ZNF750: variants seen among roughly 807,000 people sequenced by gnomAD.
ZNF750 encodes the protein protein ZNF750.
Under a neutral mutation model 31.6 loss-of-function variants are expected in ZNF750, and 10 were observed. The observed-to-expected ratio is 0.32, with a 90% CI of 0.19 to 0.54. The LOEUF is 0.54. Among genes scored for constraint, ZNF750 ranks in the 20% least tolerant of loss-of-function variants. The pLI is 0.95. For synonymous variants in ZNF750, 400 were observed against 404.9 expected, an observed-to-expected ratio of 0.99 and a Z score of 0.15; for missense variants, 914 against 934.9, an observed-to-expected ratio of 0.98 and a Z score of 0.29.
rs2053896865 is a variant in ZNF750, at chr17:82,835,563, C to A, written c.-182-2927G>T. 6.6e-6 allele frequency among the ~76,000 whole-genome samples: 1 copy of A among 152,090 alleles called. No homozygotes were observed. Among genetic ancestry groups the A allele is most frequent in the African/African-American group, 2.4e-5 (1 of 41,416 alleles). ...TCAGCCTCCCTAGTAGCTGGGATTA[C>A]AGGTGCCTACCACCACGCCCAGCTA... On this transcript the variant is annotated intron_variant, in intron 1 of 2. Coordinates refer to ENST00000269394, the MANE Select transcript of ZNF750 (RefSeq NM_024702.3). The surrounding 1 kb of genome is among the most constrained non-coding windows in gnomAD (Gnocchi z 4.5).
intron 1 of ZNF750, among the ~76,000 whole-genome samples, chr17:82,837,015 C>G (rs1399139812): frequency 6.6e-6 from 1 of 152,140 alleles, no homozygotes; most frequent in Non-Finnish European, 1.5e-5. Flanking sequence ...TTTTAGTAAC[C>G]TTGGATAAAC....
In ZNF750 at chr17:82,831,210, C is replaced by A. The variant is rs148917942; in HGVS notation, c.1245G>T (p.Pro415=). 5.0e-6 allele frequency: 8 copies of A among 1,614,072 alleles called. No homozygotes were observed. The highest frequency in any genetic ancestry group is 6.8e-6 in the Non-Finnish European group (8 of 1,180,038). ...GSAATGSPGR[P]SPTDFMQTSQ... ...TCGTCTGCATGAAGTCGGTGGGGCT[C>A]GGCCTCCCTGGGGAGCCCGTGGCTG... Residue 415 remains proline (P), a synonymous_variant, in exon 2 of 3, where the codon CCG becomes CCT. Coordinates refer to ENST00000269394, the MANE Select transcript of ZNF750 (RefSeq NM_024702.3). This position sits in a 1 kb window ranked among gnomAD's most constrained non-coding sequence, Gnocchi z 4.6.
At position 82,835,045 on chromosome 17, in the gene ZNF750, A is replaced by G. The variant is rs951670687; in HGVS notation, c.-182-2409T>C. Among the ~76,000 whole-genome samples the G allele has an allele frequency of 1.3e-5, 2 of 152,146 alleles. No homozygotes were observed. The highest frequency in any genetic ancestry group is 2.9e-5 in the Non-Finnish European group (2 of 68,032). On this transcript the variant is annotated intron_variant, in intron 1 of 2. Coordinates refer to ENST00000269394, the MANE Select transcript of ZNF750 (RefSeq NM_024702.3). This position sits in a 1 kb window ranked among gnomAD's most constrained non-coding sequence, Gnocchi z 4.5. Reference sequence around the variant, plus strand: ...ACCACCGCACTGCAGCCTGGTGGGCAACAGAATGAGACCCTGCCTCAAAAA... The same window carrying G: ...ACCACCGCACTGCAGCCTGGTGGGCGACAGAATGAGACCCTGCCTCAAAAA...
rs745606571 is a variant in ZNF750, at chr17:82,831,075, TTTC to T, written c.1377_1379del (p.Lys460del). The T allele has an allele frequency of 5.7e-5, 92 of 1,614,170 alleles. No homozygotes were observed. In the African/African-American group the frequency reaches 1.1e-3, roughly 20 times the overall value. ...CCTGGGCAGGTAGGCATTCTGTGCT[TTTC>T]TTAACAGGCCTGAAGGCTGTGAGGC... On this transcript the variant is annotated inframe_deletion, in exon 2 of 3. Transcript: ENST00000269394. This position sits in a 1 kb window ranked among gnomAD's most constrained non-coding sequence, Gnocchi z 4.6.
chr17:82,829,790 C>G lies in ZNF750; in HGVS notation c.*352G>C, dbSNP rs2053310593. On this transcript the variant is annotated 3_prime_UTR_variant, in exon 3 of 3. Transcript: ENST00000269394. ...ATTGTCATTTACATCAAATATGCAG[C>G]TAGAGCTAATAGAAAAACAGTTAAA... The G allele has an allele frequency of 7.8e-6, 2 of 256,822 alleles. No homozygotes were observed. The highest frequency in any genetic ancestry group is 1.7e-4 in the East Asian group (2 of 11,786). 15.9% of individuals were successfully genotyped at this position (256,822 alleles called of 1,614,324 possible). A position where few individuals can be genotyped will look rare whatever the true frequency, so the allele number is the denominator to read the frequency against.
rs1303194945 is a variant in ZNF750 at position 82,830,637 on chromosome 17, A to G, written c.1677T>C (p.Cys559=). 2 of 1,613,910 alleles carry G rather than the reference A, an allele frequency of 1.2e-6. No homozygotes were observed. Among genetic ancestry groups the G allele is most frequent in the South Asian group, 2.2e-5 (2 of 91,066 alleles). ...AGGCAGGCCTCGGAGCCTGGGTGTT[A>G]CAGGGGTCCTTCACCGAGAGATTGA... ...LPLNLSVKDP[C]NTQAPRPAFP... is the part of the protein sequence containing the mutation. The change falls in exon 3 of 3, where the codon TGT becomes TGC. Residue 559 remains cysteine (C), a synonymous_variant. Coordinates refer to ENST00000269394, the MANE Select transcript of ZNF750 (RefSeq NM_024702.3).
intron 1 of ZNF750, among the ~76,000 whole-genome samples, chr17:82,836,415 C>G (rs1411344912): frequency 1.3e-5 from 2 of 152,244 alleles, no homozygotes; most frequent in Non-Finnish European, 2.9e-5. Context: ...ATGACAGTTG[C>G]AAAATGTTCA....
At chr17:82,834,549 C>T (rs1316433) in intron 1 of ZNF750, among the ~76,000 whole-genome samples, 142,515 of 152,202 alleles carry the variant, frequency 0.94, 67,451 homozygotes, top group East Asian at 1. Flanking sequence ...AAAAGGAACG[C>T]GATCATGTCC....
Position 82,831,034 on chromosome 17 carries a change from G to T in ZNF750, c.1421C>A (p.Ala474Glu). The T allele has an allele frequency of 6.2e-7, 1 of 1,614,164 alleles. No individual in the cohort carries two copies. Among genetic ancestry groups the T allele is most frequent in the African/African-American group, 1.3e-5 (1 of 75,052 alleles). Residue 474 changes from alanine (A) to glutamate (E), a missense_variant, in exon 2 of 3, where the codon GCA becomes GAA. Around this residue, in one of 2 missense-constraint regions of ZNF750, gnomAD observed 880 missense variants for 868.9 expected, o/e 1.01. Transcript: ENST00000269394. The surrounding 1 kb of genome is among the most constrained non-coding windows in gnomAD (Gnocchi z 4.6). ...ATTTTCTTACCTTACTGGAGACTCTGCTGTGGTCTCAGCAGCCTGGGCAGG... is the reference window on the plus strand; with the variant it reads ...ATTTTCTTACCTTACTGGAGACTCTTCTGTGGTCTCAGCAGCCTGGGCAGG... ...CLPAQAAETTAESPVSLNVVN... is the reference protein window; with the variant it reads ...CLPAQAAETTEESPVSLNVVN...
At chr17:82,839,564 A>G (rs2054290475) in intron 1 of ZNF750, among the ~76,000 whole-genome samples, 1 of 151,784 alleles carries the variant, frequency 6.6e-6, no homozygotes, top group Non-Finnish European at 1.5e-5. Flanking sequence ...TACACCACAC[A>G]TATATATATG....
chr17:82,838,765 G>A (rs1341052377), intron 1 of ZNF750: 1 of 985,306 alleles, frequency 1.0e-6, no homozygotes, highest in Non-Finnish European at 1.2e-6. Flanking sequence ...TTGGAAGAAT[G>A]GATCCAGAAA....
rs745594008 is a variant in ZNF750 at position 82,832,274 on chromosome 17, G to C, written c.181C>G (p.Arg61Gly). ...NSITLVSEQD[R>G]VPKCPKSNSL... Reference sequence around the variant, plus strand: ...TTAGATTTAGGGCACTTGGGAACTCGATCCTGCTCTGATACTAAAGTAATC... The same window carrying C: ...TTAGATTTAGGGCACTTGGGAACTCCATCCTGCTCTGATACTAAAGTAATC... The change falls in exon 2 of 3, where the codon CGA (arginine) becomes GGA (glycine). Residue 61 changes from arginine to glycine, a missense_variant. Transcript: ENST00000269394. The surrounding 1 kb of genome is among the most constrained non-coding windows in gnomAD (Gnocchi z 4.9). 3 of 1,614,120 alleles carry C rather than the reference G, an allele frequency of 1.9e-6. No individual in the cohort carries two copies. The highest frequency in any genetic ancestry group is 3.3e-5 in the Admixed American group (2 of 60,008).
Position 82,830,518 on chromosome 17 carries a change from G to C in ZNF750, c.1796C>G (p.Thr599Ser). The C allele has an allele frequency of 6.2e-7, 1 of 1,613,922 alleles. No individual in the cohort carries two copies. The highest frequency in any genetic ancestry group is 8.5e-7 in the Non-Finnish European group (1 of 1,179,906). The change falls in exon 3 of 3, where the codon ACC (threonine) becomes AGC (serine). Residue 599 changes from threonine (T) to serine (S), a missense_variant. This residue lies in a region of ZNF750 where 880 missense variants were observed against 868.9 expected (regional missense o/e 1.01). Transcript: ENST00000269394. ...GTCACCGTCGAGGCTGCCTGGCTTGGTCTCAGGGTGGCTGGGCCCATCCTC... is the reference window on the plus strand; with the variant it reads ...GTCACCGTCGAGGCTGCCTGGCTTGCTCTCAGGGTGGCTGGGCCCATCCTC... ...GSEDGPSHPETKPGSLDGDGA... is the reference protein window; with the variant it reads ...GSEDGPSHPESKPGSLDGDGA...
Position 82,831,783 on chromosome 17 carries a change from A to G in ZNF750, c.672T>C (p.Ser224=). 2 of 1,614,162 alleles carry G rather than the reference A, an allele frequency of 1.2e-6. No individual in the cohort carries two copies. Among genetic ancestry groups the G allele is most frequent in the South Asian group, 1.1e-5 (1 of 91,088 alleles). The change falls in exon 2 of 3, where the codon TCT becomes TCC. Residue 224 remains serine, a synonymous_variant. Coordinates refer to ENST00000269394, the MANE Select transcript of ZNF750 (RefSeq NM_024702.3). This position sits in a 1 kb window ranked among gnomAD's most constrained non-coding sequence, Gnocchi z 4.6. The part of the protein sequence containing the change: ...LPPEFPHKIS[S]TKGLGAISPY... ...GGGAAATGGCCCCAAGCCCCTTTGT[A>G]GATGAGATTTTATGTGGAAACTCTG... is the stretch of plus-strand genomic sequence containing the variant.
chr17:82,831,491 A>T lies in ZNF750; in HGVS notation c.964T>A (p.Tyr322Asn). 6.2e-7 allele frequency: 1 copy of T among 1,614,212 alleles called. No homozygotes were observed. The highest frequency in any genetic ancestry group is 8.5e-7 in the Non-Finnish European group (1 of 1,180,038). Residue 322 changes from tyrosine (Y) to asparagine (N), a missense_variant, in exon 2 of 3, where the codon TAC becomes AAC. Tyr to Asn is a moderately radical substitution (Grantham distance 143). Transcript: ENST00000269394. This position sits in a 1 kb window ranked among gnomAD's most constrained non-coding sequence, Gnocchi z 4.6. ...GAGGAAAATGCAGACTCTGGCCTGT[A>T]AAATCCGTAAGGAATCGGCAGGTTA... ...PSNLPIPYGF[Y>N]RPESAFSSYG...
chr17:82,830,344 G>A lies in ZNF750; in HGVS notation c.1970C>T (p.Ala657Val). ...TTGCCGGCAGGCAGGTTCCGGGGCC[G>A]CAGCATCCCCATCGCCCACCCGGAT... Reference protein sequence around the residue: ...RNIRVGDGDAAAPEPACRQDT... With the variant: ...RNIRVGDGDAVAPEPACRQDT... Residue 657 changes from alanine to valine, a missense_variant, in exon 3 of 3, where the codon GCG (alanine) becomes GTG (valine). By Grantham distance (64) the Ala-to-Val change is moderately conservative (BLOSUM62 0). This residue lies in a region of ZNF750 where 880 missense variants were observed against 868.9 expected (regional missense o/e 1.01). Coordinates refer to ENST00000269394, the MANE Select transcript of ZNF750 (RefSeq NM_024702.3). The A allele has an allele frequency of 6.2e-7, 1 of 1,613,686 alleles. No homozygotes were observed.
rs938162880 is a variant in ZNF750, at chr17:82,829,486, C to T, written c.*656G>A. ...TTGCATTTTATGTTTCCTTATGGTT[C>T]ATATGAGTTTATTGGAAAATTAGCA... is the stretch of plus-strand genomic sequence containing the variant. On this transcript the variant is annotated 3_prime_UTR_variant, in exon 3 of 3. Coordinates refer to ENST00000269394, the MANE Select transcript of ZNF750 (RefSeq NM_024702.3). The T allele has an allele frequency of 2.0e-5, 3 of 153,168 alleles. No homozygotes were observed. Among genetic ancestry groups the T allele is most frequent in the African/African-American group, 7.2e-5 (3 of 41,448 alleles). The allele number at this position is 153,168 out of a possible 1,614,324, so 9.5% of individuals were successfully genotyped here.
At chr17:82,836,655 C>T (rs2054001020) in intron 1 of ZNF750, among the ~76,000 whole-genome samples, 1 of 150,322 alleles carries the variant, frequency 6.7e-6, no homozygotes, top group Admixed American at 6.6e-5. Flanking sequence ...GTTTTCGAAG[C>T]AGCATTATTT....
At position 82,829,994 on chromosome 17, in the gene ZNF750, TTTTTGTTTG is replaced by T; in HGVS notation, c.*139_*147del. 9.3e-7 allele frequency: 1 copy of T among 1,069,804 alleles called. No homozygotes were observed. The highest frequency in any genetic ancestry group is 1.6e-5 in the African/African-American group (1 of 64,168). 66.3% of individuals were successfully genotyped at this position (1,069,804 alleles called of 1,614,324 possible). A position where few individuals can be genotyped will look rare whatever the true frequency, so the allele number is the denominator to read the frequency against. ...ATTTATAAAAACTGAATTGGAGGGT[TTTTTGTTTG>T]TTTGTTTGTTTGTTTTTTTGAGAAG... On this transcript the variant is annotated 3_prime_UTR_variant, in exon 3 of 3. Coordinates refer to ENST00000269394, the MANE Select transcript of ZNF750 (RefSeq NM_024702.3).
Sources: allele counts gnomAD v4.1 joint callset (sites outside exome capture counted in the v4.1 genomes callset), GRCh38; gene constraint gnomAD v4.1.1; regional missense constraint gnomAD v4.1.1; non-coding constraint Gnocchi (gnomAD v3.1); transcripts MANE v1.5; gene names NCBI Gene and HGNC (gene_info 2026-07-23, HGNC 2026-07-21).